The following ERBB4 variants were observed in gnomAD, a reference collection of about 807,000 sequenced individuals.
The protein encoded by ERBB4 is receptor tyrosine-protein kinase erbB-4.
A neutral mutation model predicts 158.0 loss-of-function variants in ERBB4; 42 were observed. The ratio of observed to expected loss-of-function variants is 0.27; its 90% CI spans 0.21 to 0.34. The LOEUF (loss-of-function observed/expected upper bound fraction) is 0.34, where lower values mean the gene tolerates loss of function less well. Among genes scored for constraint, ERBB4 ranks in the 10% least tolerant of loss-of-function variants. The probability of loss-of-function intolerance (pLI) is 1.00; values close to 1 mark genes in which losing one functional copy is unlikely to be tolerated. For synonymous variants in ERBB4, 583 were observed against 558.7 expected (o/e 1.04, Z -0.61); for missense variants, 1,333 against 1,624.1 (o/e 0.82, Z 3.08).
At chr2:211,879,524 A>C in intron 3 of ERBB4, among the ~76,000 whole-genome samples, 1 of 152,248 alleles carries the variant, frequency 6.6e-6, no homozygotes, top group East Asian at 1.9e-4. Flanking sequence ...AGGGTGTGGC[A>C]ACACAGGCAC....
Position 211,569,264 on chromosome 2 carries a change from T to C in ERBB4, c.2302-7176A>G, listed in dbSNP as rs1002406136. ...TACATCGGGAAAGAATTCTACTTTC[T>C]GTTTTCCCTCTTTTTTCTTCCACTC... On this transcript the variant is annotated intron_variant, in intron 19 of 27. Transcript: ENST00000342788. 2.6e-5 allele frequency among the ~76,000 whole-genome samples: 4 copies of C among 152,250 alleles called. No individual in the cohort carries two copies. The East Asian group carries it at 5.8e-4, about 22-fold the overall frequency.
At chr2:211,421,054 C>T (rs1042587688) in intron 24 of ERBB4, among the ~76,000 whole-genome samples, 1 of 151,906 alleles carries the variant, frequency 6.6e-6, no homozygotes, top group African/African-American at 2.4e-5. Context: ...CTATAGCATA[C>T]TGACTGCATT....
intron 3 of ERBB4, among the ~76,000 whole-genome samples, chr2:211,814,456 TG>T (rs2076832903): frequency 6.6e-6 from 1 of 152,132 alleles, no homozygotes; most frequent in Non-Finnish European, 1.5e-5. Flanking sequence ...ACTCTAATAT[TG>T]TAGCAAATTG....
intron 4 of ERBB4, among the ~76,000 whole-genome samples, chr2:211,763,897 T>TACACACACAC (rs58206154): frequency 0.042 from 6,235 of 150,030 alleles, 318 homozygotes; most frequent in African/African-American, 0.12. Context: ...TGCGTGTGTA[T>TACACACACAC]ACACACACAC....
At chr2:212,114,000 A>C (rs752355905) in intron 2 of ERBB4, among the ~76,000 whole-genome samples, 7 of 152,148 alleles carry the variant, frequency 4.6e-5, no homozygotes, top group Non-Finnish European at 7.3e-5. Flanking sequence ...TATGGCTATA[A>C]AATTTGCTTA....
intron 20 of ERBB4, among the ~76,000 whole-genome samples, chr2:211,445,296 G>A (rs916144135): frequency 1.3e-5 from 2 of 152,214 alleles, no homozygotes; most frequent in Middle Eastern, 3.4e-3. Context: ...AATAGCAATG[G>A]TTTAGTGTTT....
intron 19 of ERBB4, among the ~76,000 whole-genome samples, chr2:211,594,761 A>AAAT (rs1481072812): frequency 6.6e-6 from 1 of 152,222 alleles, no homozygotes; most frequent in African/African-American, 2.4e-5. Context: ...TTAAAAATTA[A>AAAT]AATAATGACA....
intron 2 of ERBB4, among the ~76,000 whole-genome samples, chr2:212,112,013 TTTTTTA>T (rs2079426319): frequency 6.6e-6 from 1 of 152,230 alleles, no homozygotes; most frequent in African/African-American, 2.4e-5. Flanking sequence ...TGTTTAATTC[TTTTTTA>T]TTTTTATTTT....
chr2:211,568,812 G>C (rs1029738086), intron 19 of ERBB4, among the ~76,000 whole-genome samples: 1 of 152,096 alleles, frequency 6.6e-6, no homozygotes, highest in Non-Finnish European at 1.5e-5. Context: ...TAGTGATGAA[G>C]AACACAAAGA....
In ERBB4 at chr2:211,913,651, GTGTGTGTA is replaced by G. The variant is rs1366731465; in HGVS notation, c.421+33771_421+33778del. ...TGTGTGTGTGTGTGTGTGTGTGTGT[GTGTGTGTA>G]TGTGTGTATGTGTGTGTGTATGTGT... On this transcript the variant is annotated intron_variant, in intron 3 of 27. Transcript: ENST00000342788. Among the ~76,000 whole-genome samples, 580 of 140,990 alleles carry G rather than the reference GTGTGTGTA, an allele frequency of 4.1e-3. 3 individuals are homozygous for G. Among genetic ancestry groups the G allele is most frequent in the South Asian group, 7.4e-3 (34 of 4,608 alleles). The allele number at this position is 140,990 out of a possible 152,430, so 92.5% of individuals were successfully genotyped here. A position where few individuals can be genotyped will look rare whatever the true frequency, so the allele number is the denominator to read the frequency against.
intron 4 of ERBB4, among the ~76,000 whole-genome samples, chr2:211,771,618 G>T (rs2106267187): frequency 6.6e-6 from 1 of 152,300 alleles, no homozygotes; most frequent in Non-Finnish European, 1.5e-5. Flanking sequence ...AGCAGAAAAT[G>T]ATGCTGAAGA....
At chr2:212,050,548 T>C (rs79782475) in intron 2 of ERBB4, among the ~76,000 whole-genome samples, 5,625 of 152,242 alleles carry the variant, frequency 0.037, 380 homozygotes, top group African/African-American at 0.13. Flanking sequence ...CTGGGTAGAA[T>C]ATCAATTTAA....
chr2:212,269,002 T>A (rs1367312476), intron 1 of ERBB4, among the ~76,000 whole-genome samples: 2 of 151,958 alleles, frequency 1.3e-5, no homozygotes, highest in East Asian at 1.9e-4. Flanking sequence ...AATAATAAAA[T>A]GATTTAAAAT....
chr2:211,822,916 A>G (rs2077024881), intron 3 of ERBB4, among the ~76,000 whole-genome samples: 1 of 151,942 alleles, frequency 6.6e-6, no homozygotes, highest in Non-Finnish European at 1.5e-5. Flanking sequence ...AGAATGTGCC[A>G]TTTCTATATC....
chr2:212,450,821 GA>G lies in ERBB4; in HGVS notation c.82+87627del, dbSNP rs57931477. 3.6e-3 allele frequency among the ~76,000 whole-genome samples: 336 copies of G among 92,856 alleles called. 1 individual carries two copies. Among genetic ancestry groups the G allele is most frequent in the East Asian group, 5.1e-3 (13 of 2,554 alleles). The allele number at this position is 92,856 out of a possible 152,430, so 60.9% of individuals were successfully genotyped here. On this transcript the variant is annotated intron_variant, in intron 1 of 27. Coordinates refer to ENST00000342788, the MANE Select transcript of ERBB4 (RefSeq NM_005235.3). ...TTTAATGCAGGAAGATTTCAGCCGA[GA>G]AAAAAAAAAAAAAAAAAACAAGGCC... is the stretch of plus-strand genomic sequence containing the variant.
chr2:211,800,007 A>G (rs756906370), intron 3 of ERBB4, among the ~76,000 whole-genome samples: 47 of 152,188 alleles, frequency 3.1e-4, no homozygotes, highest in Admixed American at 9.2e-4. Flanking sequence ...TTTGGAGCAC[A>G]TTATGCTTCT....
intron 1 of ERBB4, among the ~76,000 whole-genome samples, chr2:212,179,371 C>T (rs1445500145): frequency 6.7e-6 from 1 of 148,326 alleles, no homozygotes; most frequent in African/African-American, 2.5e-5. Flanking sequence ...CTATACTAAG[C>T]ACTGAGAGTA....
chr2:212,124,691 C>T (rs1378171000), intron 2 of ERBB4, 61 bp downstream of exon 2: 2 of 1,578,368 alleles, frequency 1.3e-6, no homozygotes, highest in Non-Finnish European at 1.7e-6. Flanking sequence ...ACAGGTCTGC[C>T]TGTATGCATC....
chr2:212,230,731 C>T (rs1000316279), intron 1 of ERBB4, among the ~76,000 whole-genome samples: 1 of 152,042 alleles, frequency 6.6e-6, no homozygotes, highest in Non-Finnish European at 1.5e-5. Context: ...TCTGTCTCTC[C>T]ATCTGCCCAT....
Sources: gnomAD v4.1 joint callset for allele counts (sites outside exome capture counted in the v4.1 genomes callset) on GRCh38, gnomAD v4.1.1 for gene constraint, MANE v1.5 for transcripts, NCBI Gene and HGNC (gene_info 2026-07-23, HGNC 2026-07-21) for gene names.